Variants in KPNA6 observed in about 807,000 individuals in gnomAD.
KPNA6 encodes karyopherin subunit alpha 6.
A neutral mutation model predicts 72.0 loss-of-function variants in KPNA6; 9 were observed. The observed-to-expected ratio is 0.13, with a 90% CI of 0.08 to 0.22. The LOEUF (loss-of-function observed/expected upper bound fraction) is 0.22, where lower values mean the gene tolerates loss of function less well. Among genes scored for constraint, KPNA6 ranks in the 10% least tolerant of loss-of-function variants. The pLI, the probability that KPNA6 is intolerant of heterozygous loss-of-function variation, is 1.00. For missense variants in KPNA6, 374 were observed against 655.7 expected, an observed-to-expected ratio of 0.57 and a Z score of 4.69; for synonymous variants, 219 against 242.1, an observed-to-expected ratio of 0.90 and a Z score of 0.89.
Position 32,128,426 on chromosome 1 carries a change from T to TACAC in KPNA6, c.4+20304_4+20307dup, listed in dbSNP as rs1230804875. Among the ~76,000 whole-genome samples, 141 of 99,122 alleles carry TACAC rather than the reference T, an allele frequency of 1.4e-3. 1 individual carries two copies. In the South Asian group the frequency reaches 0.015, roughly 11 times the overall value. The allele number at this position is 99,122 out of a possible 152,430, so 65.0% of individuals were successfully genotyped here. A position where few individuals can be genotyped will look rare whatever the true frequency, so the allele number is the denominator to read the frequency against. On this transcript the variant is annotated intron_variant, in intron 1 of 13. Coordinates refer to ENST00000373625, the MANE Select transcript of KPNA6 (RefSeq NM_012316.5). ...ATATATATATATATATATATATATA[T>TACAC]ACACACACACACACATATATATATA...
intron 1 of KPNA6, among the ~76,000 whole-genome samples, chr1:32,117,662 A>G (rs1641352449): frequency 6.6e-6 from 1 of 152,142 alleles, no homozygotes; most frequent in Non-Finnish European, 1.5e-5. Context: ...AACACACAGT[A>G]TCGGTGAATC....
rs192729603 is a variant in KPNA6 at position 32,153,889 on chromosome 1, A to G, written c.5-699A>G. Among the ~76,000 whole-genome samples the G allele has an allele frequency of 5.5e-3, 835 of 152,004 alleles. 11 individuals are homozygous for G. Among genetic ancestry groups the G allele is most frequent in the East Asian group, 0.037 (191 of 5,136 alleles). ...TGGCTGGACGTGGTTGCTCATGCCTATAGTCCCAGCACTTTGGGAGGCCAA... is the reference window on the plus strand; with the variant it reads ...TGGCTGGACGTGGTTGCTCATGCCTGTAGTCCCAGCACTTTGGGAGGCCAA... On this transcript the variant is annotated intron_variant, in intron 1 of 13. Transcript: ENST00000373625.
intron 1 of KPNA6, among the ~76,000 whole-genome samples, chr1:32,138,278 C>T (rs1411972610): frequency 6.6e-6 from 1 of 152,052 alleles, no homozygotes; most frequent in Admixed American, 6.6e-5. Context: ...GGCGCGGTGG[C>T]TCATGACTGT....
chr1:32,171,119 C>T lies in KPNA6; in HGVS notation c.*225C>T, dbSNP rs1208743999. The T allele has an allele frequency of 1.3e-5, 7 of 543,188 alleles. No homozygotes were observed. Among genetic ancestry groups the T allele is most frequent in the East Asian group, 5.8e-5 (2 of 34,288 alleles). The allele number at this position is 543,188 out of a possible 1,614,324, so 33.6% of individuals were successfully genotyped here. A position where few individuals can be genotyped will look rare whatever the true frequency, so the allele number is the denominator to read the frequency against. ...TTTGGGTTTTGTGACAAGAAGGGGA[C>T]GTGTTGGGTTTTTCTTCCTTACACT... On this transcript the variant is annotated 3_prime_UTR_variant, in exon 14 of 14. Coordinates refer to ENST00000373625, the MANE Select transcript of KPNA6 (RefSeq NM_012316.5).
chr1:32,110,698 A>C (rs1641231727), intron 1 of KPNA6, among the ~76,000 whole-genome samples: 1 of 152,172 alleles, frequency 6.6e-6, no homozygotes, highest in Non-Finnish European at 1.5e-5. Context: ...GGAGGACGAC[A>C]CCAACCTGAC....
At chr1:32,155,700 A>ATTT (rs1257421191) in intron 2 of KPNA6, among the ~76,000 whole-genome samples, 38 of 148,294 alleles carry the variant, frequency 2.6e-4, no homozygotes, top group Middle Eastern at 3.5e-3. Context: ...TCACCTGATT[A>ATTT]TTATTATTTA....
At chr1:32,166,458 G>A (rs932478559) in intron 11 of KPNA6, among the ~76,000 whole-genome samples, 1 of 149,674 alleles carries the variant, frequency 6.7e-6, no homozygotes, top group Non-Finnish European at 1.5e-5. Context: ...AACCCCATCT[G>A]TACTAAAAAT....
At chr1:32,154,764 C>T (rs1166367860) in intron 2 of KPNA6, 43 bp downstream of exon 2, 2 of 1,608,594 alleles carry the variant, frequency 1.2e-6, no homozygotes, top group Non-Finnish European at 1.7e-6. Flanking sequence ...TTCTGGGAAA[C>T]AAGCCCCTAT....
rs566713028 is a variant in KPNA6 at position 32,175,230 on chromosome 1, G to C, written c.*4336G>C. The C allele has an allele frequency of 6.6e-6, 1 of 152,358 alleles. No homozygotes were observed. The highest frequency in any genetic ancestry group is 2.4e-5 in the African/African-American group (1 of 41,556). 9.4% of individuals were successfully genotyped at this position (152,358 alleles called of 1,614,324 possible). ...GAACCTAAGCAGGCTGTGAGAGTTA[G>C]AAGAGGCAGTATTACATGTTAGGCC... On this transcript the variant is annotated 3_prime_UTR_variant, in exon 14 of 14. Coordinates refer to ENST00000373625, the MANE Select transcript of KPNA6 (RefSeq NM_012316.5).
At chr1:32,138,842 T>C (rs961539434) in intron 1 of KPNA6, among the ~76,000 whole-genome samples, 10 of 152,140 alleles carry the variant, frequency 6.6e-5, no homozygotes, top group Non-Finnish European at 1.5e-4. Flanking sequence ...GGTCACTGGA[T>C]TTAACAGTCT....
At chr1:32,136,421 G>T (rs1274422765) in intron 1 of KPNA6, among the ~76,000 whole-genome samples, 1 of 152,030 alleles carries the variant, frequency 6.6e-6, no homozygotes, top group East Asian at 1.9e-4. Context: ...TGATCTGTCC[G>T]CCTTGGACTC....
intron 1 of KPNA6, among the ~76,000 whole-genome samples, chr1:32,115,195 G>A (rs1484006254): frequency 6.6e-6 from 1 of 151,596 alleles, no homozygotes; most frequent in Non-Finnish European, 1.5e-5. Flanking sequence ...GAATGCAGTG[G>A]CGCGACCTCA....
chr1:32,121,532 C>A (rs191731003), intron 1 of KPNA6, among the ~76,000 whole-genome samples: 11 of 152,124 alleles, frequency 7.2e-5, no homozygotes, highest in African/African-American at 2.4e-4. Flanking sequence ...GCAACTAAAA[C>A]TATGGAGTGA....
chr1:32,172,492 C>G lies in KPNA6; in HGVS notation c.*1598C>G, dbSNP rs1445261819. On this transcript the variant is annotated 3_prime_UTR_variant, in exon 14 of 14. Transcript: ENST00000373625. Reference sequence around the variant, plus strand: ...TCTATTATCACTGAAACTTAGTAGCCTGCTTTTTTTTTTTTTTTTTTTAGA... The same window carrying G: ...TCTATTATCACTGAAACTTAGTAGCGTGCTTTTTTTTTTTTTTTTTTTAGA... 1.4e-5 allele frequency: 2 copies of G among 145,928 alleles called. No homozygotes were observed. Among genetic ancestry groups the G allele is most frequent in the African/African-American group, 2.6e-5 (1 of 38,080 alleles). The allele number at this position is 145,928 out of a possible 1,614,324, so 9.0% of individuals were successfully genotyped here.
rs1553125089 is a variant in KPNA6, at chr1:32,114,451, A to AAT, written c.4+6338_4+6339dup. Among the ~76,000 whole-genome samples the AAT allele has an allele frequency of 7.6e-3, 1,100 of 145,484 alleles. 10 individuals carry two copies. The highest frequency in any genetic ancestry group is 0.03 in the East Asian group (151 of 5,080). ...AACGAAACTCTGTCTCAAAAAAAAA[A>AAT]ATATATATATATATATATATATTCA... is the stretch of plus-strand genomic sequence containing the variant. On this transcript the variant is annotated intron_variant, in intron 1 of 13. Coordinates refer to ENST00000373625, the MANE Select transcript of KPNA6 (RefSeq NM_012316.5).
intron 1 of KPNA6, among the ~76,000 whole-genome samples, chr1:32,129,594 C>T (rs1641601351): frequency 6.6e-6 from 1 of 151,244 alleles, no homozygotes. Flanking sequence ...CTCGCTCTGT[C>T]ACCCAGGCTG....
rs1002820262 is a variant in KPNA6, at chr1:32,175,492, A to C, written c.*4598A>C. On this transcript the variant is annotated 3_prime_UTR_variant, in exon 14 of 14. Transcript: ENST00000373625. ...TCTGACTCAGAGCATGTCTTTAAAG[A>C]GTCCACATCTGGCCAGGCGCGGTGG... 18 of 152,280 alleles carry C rather than the reference A, an allele frequency of 1.2e-4. No homozygotes were observed. Among genetic ancestry groups the C allele is most frequent in the African/African-American group, 4.3e-4 (18 of 41,458 alleles). The allele number at this position is 152,280 out of a possible 1,614,324, so 9.4% of individuals were successfully genotyped here. A position where few individuals can be genotyped will look rare whatever the true frequency, so the allele number is the denominator to read the frequency against.
chr1:32,158,308 G>T lies in KPNA6; in HGVS notation c.373G>T (p.Val125Leu). Residue 125 changes from valine to leucine, a missense_variant, in exon 5 of 14, where the codon GTG becomes TTG. Val to Leu is a conservative substitution (Grantham distance 32, BLOSUM62 1). This residue lies in a region of KPNA6 where 298 missense variants were observed against 495.4 expected (regional missense o/e 0.60). Transcript: ENST00000373625. The part of the protein sequence containing the change: ...PIDEVINTPR[V>L]VDRFVEFLKR... ...AGATGAAGTTATCAACACTCCAAGA[G>T]TGGTGGATCGGTTCGTGGAGTTTCT... is the stretch of plus-strand genomic sequence containing the variant. The T allele has an allele frequency of 6.2e-7, 1 of 1,613,688 alleles. No individual in the cohort carries two copies. Among genetic ancestry groups the T allele is most frequent in the Non-Finnish European group, 8.5e-7 (1 of 1,179,614 alleles).
intron 3 of KPNA6, 110 bp downstream of exon 3, chr1:32,157,055 C>A: frequency 1.3e-6 from 1 of 766,284 alleles, no homozygotes. Flanking sequence ...ATGACAAGTT[C>A]TTTCCTCTGT....
Sources: gnomAD v4.1 joint callset for allele counts (sites outside exome capture counted in the v4.1 genomes callset) on GRCh38, gnomAD v4.1.1 for gene constraint, gnomAD v4.1.1 regional missense constraint, MANE v1.5 for transcripts, NCBI Gene and HGNC (gene_info 2026-07-23, HGNC 2026-07-21) for gene names.